The following PSMG4 variants were observed in gnomAD, a reference collection of about 807,000 sequenced individuals.
The protein encoded by PSMG4 is proteasome (prosome, macropain) assembly chaperone 4.
Under a neutral mutation model 11.0 loss-of-function variants are expected in PSMG4, and 10 were observed. The ratio of observed to expected loss-of-function variants is 0.91; its 90% CI spans 0.56 to 1.54. The LOEUF (loss-of-function observed/expected upper bound fraction) is 1.54, where lower values mean the gene tolerates loss of function less well. PSMG4 is among the 40% of genes most tolerant of loss of function. PSMG4 has a pLI of 0.00. For synonymous variants in PSMG4, 95 were observed against 71.3 expected, an observed-to-expected ratio of 1.33 and a Z score of -1.68; for missense variants, 198 against 160.9, an observed-to-expected ratio of 1.23 and a Z score of -1.25.
chr6:3,264,128 A>AG (rs1758096722), intron 2 of PSMG4: 1 of 1,532,238 alleles, frequency 6.5e-7, no homozygotes, highest in South Asian at 1.2e-5. Context: ...CCCGGGCCTT[A>AG]GGAGGAGTCA....
At position 3,260,544 on chromosome 6, in the gene PSMG4, C is replaced by T. The variant is rs555793745; in HGVS notation, c.174+1348C>T. ...CCTCGTGATCCGCCTGCCTCGGCCT[C>T]CCAAAGGCAAGCAAGTCCCTTTGGA... On this transcript the variant is annotated intron_variant, in intron 1 of 2. Transcript: ENST00000438998. Among the ~76,000 whole-genome samples the T allele has an allele frequency of 1.1e-3, 170 of 152,168 alleles. 2 individuals are homozygous for T. Among genetic ancestry groups the T allele is most frequent in the African/African-American group, 3.9e-3 (160 of 41,516 alleles).
upstream of PSMG4, chr6:3,255,305 T>TCTC: frequency 6.6e-7 from 1 of 1,517,604 alleles, no homozygotes; most frequent in Non-Finnish European, 8.9e-7. Context: ...CCTGGGAGAG[T>TCTC]GGTGGATGAG....
Position 3,259,606 on chromosome 6 carries a change from GCT to G in PSMG4, c.174+415_174+416del, listed in dbSNP as rs921173942. Among the ~76,000 whole-genome samples, 136 of 152,344 alleles carry G rather than the reference GCT, an allele frequency of 8.9e-4. No homozygotes were observed. In the Middle Eastern group the frequency reaches 0.014, roughly 15 times the overall value. The stretch of plus-strand genomic sequence containing the variant: ...GCATTTCGCACTAGGCACACATCAG[GCT>G]CTCTTCTCCAAACCTGCTCCCTCCT... On this transcript the variant is annotated intron_variant, in intron 1 of 2. Transcript: ENST00000438998.
intron 2 of PSMG4, 60 bp downstream of exon 2, chr6:3,263,819 C>G: frequency 6.6e-7 from 1 of 1,523,582 alleles, no homozygotes. Context: ...TTTAATGGAA[C>G]CATGAAGCAA....
At chr6:3,260,536 C>T (rs1757951104) in intron 1 of PSMG4, among the ~76,000 whole-genome samples, 1 of 152,004 alleles carries the variant, frequency 6.6e-6, no homozygotes, top group Admixed American at 6.6e-5. Flanking sequence ...ATCCGCCTGC[C>T]TCGGCCTCCC....
intron 2 of PSMG4, chr6:3,263,990 C>T (rs1448741717): frequency 1.5e-6 from 2 of 1,312,962 alleles, no homozygotes; most frequent in Non-Finnish European, 2.0e-6. Flanking sequence ...GGACTCCCAC[C>T]TCGTCCTTGG....
intron 1 of PSMG4, among the ~76,000 whole-genome samples, chr6:3,259,451 G>A (rs1472243263): frequency 1.3e-5 from 2 of 152,234 alleles, no homozygotes; most frequent in African/African-American, 4.8e-5. Flanking sequence ...CTGTAGGTCA[G>A]AATGTCTTGG....
At chr6:3,261,234 CTTTTTTCT>C (rs1757979140) in intron 1 of PSMG4, among the ~76,000 whole-genome samples, 1 of 146,782 alleles carries the variant, frequency 6.8e-6, no homozygotes, top group Non-Finnish European at 1.5e-5. Flanking sequence ...TTTCCTTTTC[CTTTTTTCT>C]TTTTTTCTTT....
At chr6:3,262,802 T>TTC (rs1554129920) in intron 1 of PSMG4, among the ~76,000 whole-genome samples, 5 of 149,508 alleles carry the variant, frequency 3.3e-5, no homozygotes, top group South Asian at 2.1e-4. Context: ...GTTTTTTTTT[T>TTC]CCCCCTTTGG....
chr6:3,260,291 A>ATATTTTTTTTTTTTTTTTTT, intron 1 of PSMG4, among the ~76,000 whole-genome samples: 2 of 70,862 alleles, frequency 2.8e-5, no homozygotes, highest in African/African-American at 1.1e-4. Context: ...ATATATATAT[A>ATATTTTTTTTTTTTTTTTTT]TTTTTTTTTT....
In PSMG4 at chr6:3,261,610, C is replaced by G. The variant is rs761680684; in HGVS notation, c.175-2074C>G. ...ACAGGGGATTGATTGAGTTACCTGA[C>G]TTGTCAGAAGTCCAGTCCCTCTCAC... On this transcript the variant is annotated intron_variant, in intron 1 of 2. Transcript: ENST00000438998. Among the ~76,000 whole-genome samples, 4 of 152,338 alleles carry G rather than the reference C, an allele frequency of 2.6e-5. No homozygotes were observed. In the East Asian group the frequency reaches 7.7e-4, roughly 29 times the overall value.
At chr6:3,267,478 C>T (rs549056300) in intron 2 of PSMG4, 113 bp from the exon 3 acceptor site, 1 of 1,268,382 alleles carries the variant, frequency 7.9e-7, no homozygotes, top group African/African-American at 1.5e-5. Flanking sequence ...GCTTTCTTTT[C>T]TCCCTACAAC....
chr6:3,254,708 C>T (rs181241996), upstream of PSMG4, among the ~76,000 whole-genome samples: 36 of 152,204 alleles, frequency 2.4e-4, no homozygotes, highest in East Asian at 1.2e-3. Context: ...CTGTGGGATG[C>T]GCCTGGACAC....
chr6:3,264,453 C>T, intron 2 of PSMG4: 2 of 1,434,402 alleles, frequency 1.4e-6, no homozygotes, highest in Non-Finnish European at 1.8e-6. Flanking sequence ...GGAGTCTTCT[C>T]TGTGTCTCAG....
chr6:3,262,566 G>C (rs975795944), intron 1 of PSMG4, among the ~76,000 whole-genome samples: 1 of 151,482 alleles, frequency 6.6e-6, no homozygotes, highest in Non-Finnish European at 1.5e-5. Context: ...GATGAGCAGC[G>C]CCTGTGGTCT....
At chr6:3,258,265 G>A (rs1757832655), upstream of PSMG4, among the ~76,000 whole-genome samples, 1 of 152,226 alleles carries the variant, frequency 6.6e-6, no homozygotes. Flanking sequence ...TTTGCATTTT[G>A]CAGATGAGGA....
At chr6:3,262,645 G>A (rs1409852538) in intron 1 of PSMG4, among the ~76,000 whole-genome samples, 2 of 152,068 alleles carry the variant, frequency 1.3e-5, no homozygotes, top group African/African-American at 2.4e-5. Context: ...CAGGACAGTT[G>A]GGGTGGCAGG....
chr6:3,260,606 G>T (rs1237758765), intron 1 of PSMG4, among the ~76,000 whole-genome samples: 1 of 152,138 alleles, frequency 6.6e-6, no homozygotes, highest in Non-Finnish European at 1.5e-5. Context: ...ATCCTAAAGT[G>T]CCGGGATTAT....
At chr6:3,264,564 C>A in intron 2 of PSMG4, 1 of 657,870 alleles carries the variant, frequency 1.5e-6, no homozygotes, top group Non-Finnish European at 2.4e-6. Context: ...GAAGGCAGGG[C>A]AGGGTGGAGT....
Sources: allele counts gnomAD v4.1 joint callset (sites outside exome capture counted in the v4.1 genomes callset), GRCh38; gene constraint gnomAD v4.1.1; transcripts MANE v1.5; gene names NCBI Gene and HGNC (gene_info 2026-07-23, HGNC 2026-07-21).